Variants in GLRB observed in about 807,000 individuals in gnomAD.
GLRB encodes glycine receptor beta, also known as glycine receptor subunit beta.
Under a neutral mutation model 54.2 loss-of-function variants are expected in GLRB, and 33 were observed. The observed-to-expected ratio is 0.61, with a 90% CI of 0.46 to 0.81. The LOEUF (loss-of-function observed/expected upper bound fraction) is 0.81. Among genes scored for constraint, GLRB ranks in the 40% least tolerant of loss-of-function variants. The pLI, the probability that GLRB is intolerant of heterozygous loss-of-function variation, is 0.00. For synonymous variants in GLRB, 209 were observed against 208.2 expected (o/e 1.00, Z -0.03); for missense variants, 572 against 584.6 (o/e 0.98, Z 0.22).
intron 2 of GLRB, among the ~76,000 whole-genome samples, chr4:157,094,946 T>C (rs1734750161): frequency 6.6e-6 from 1 of 152,196 alleles, no homozygotes; most frequent in African/African-American, 2.4e-5. Flanking sequence ...TTATAAAATA[T>C]ATTTATTTTG....
intron 2 of GLRB, among the ~76,000 whole-genome samples, chr4:157,112,529 T>A (rs73856830): frequency 0.017 from 2,629 of 152,090 alleles, 64 homozygotes; most frequent in African/African-American, 0.06. Flanking sequence ...GGTTGAATTC[T>A]CTTAGAGACA....
At chr4:157,091,895 T>A (rs1734631674) in intron 2 of GLRB, among the ~76,000 whole-genome samples, 1 of 152,176 alleles carries the variant, frequency 6.6e-6, no homozygotes, top group African/African-American at 2.4e-5. Context: ...GTTACATCCC[T>A]CCTTATCCTT....
intron 8 of GLRB, among the ~76,000 whole-genome samples, chr4:157,151,911 G>C (rs902893284): frequency 2.6e-5 from 4 of 152,084 alleles, no homozygotes; most frequent in Non-Finnish European, 4.4e-5. Context: ...TTCCTTTTCT[G>C]ACTCAGCATG....
intron 2 of GLRB, among the ~76,000 whole-genome samples, chr4:157,118,610 C>T (rs1579213044): frequency 6.6e-6 from 1 of 151,620 alleles, no homozygotes; most frequent in East Asian, 2.0e-4. Context: ...AAATGCTTTG[C>T]ACTCTGACTG....
At chr4:157,143,675 CT>C (rs965337199) in intron 7 of GLRB, 131 bp from the exon 8 acceptor site, 58 of 884,578 alleles carry the variant, frequency 6.6e-5, no homozygotes, top group South Asian at 1.2e-4. Flanking sequence ...CAAAGAAAAA[CT>C]TTTTTTTGAG....
At chr4:157,160,590 T>C (rs553979872) in intron 9 of GLRB, among the ~76,000 whole-genome samples, 13 of 151,964 alleles carry the variant, frequency 8.6e-5, no homozygotes, top group Non-Finnish European at 1.5e-4. Context: ...TCGTTATGTA[T>C]CCAGTAGTCA....
At chr4:157,146,277 A>G (rs909192205) in intron 8 of GLRB, among the ~76,000 whole-genome samples, 4 of 151,978 alleles carry the variant, frequency 2.6e-5, no homozygotes, top group African/African-American at 9.7e-5. Context: ...GACCTCCCAA[A>G]GTGCTGGGAT....
rs186337969 is a variant in GLRB at position 157,147,347 on chromosome 4, T to C, written c.904+3388T>C. On this transcript the variant is annotated intron_variant, in intron 8 of 9. Coordinates refer to ENST00000264428, the MANE Select transcript of GLRB (RefSeq NM_000824.5). ...ACCAACTGTTCATGGATCAATGACT[T>C]TTAGAGCTAAAGATTACCATTAGAC... 2.8e-4 allele frequency among the ~76,000 whole-genome samples: 42 copies of C among 152,258 alleles called. No homozygotes were observed. The East Asian group carries it at 7.5e-3, about 27-fold the overall frequency.
chr4:157,135,363 A>G (rs1018242931), intron 4 of GLRB, among the ~76,000 whole-genome samples: 1 of 152,124 alleles, frequency 6.6e-6, no homozygotes, highest in Non-Finnish European at 1.5e-5. Context: ...TGGTTTGGCC[A>G]TGTCCCCACC....
chr4:157,138,778 T>C (rs1736502214), intron 6 of GLRB, 31 bp from the exon 7 acceptor site: 1 of 1,127,834 alleles, frequency 8.9e-7, no homozygotes, highest in Non-Finnish European at 1.3e-6. Context: ...AATTATATTT[T>C]AAACTAACAT....
At chr4:157,097,071 G>A (rs1734839904) in intron 2 of GLRB, among the ~76,000 whole-genome samples, 2 of 152,092 alleles carry the variant, frequency 1.3e-5, no homozygotes, top group African/African-American at 4.8e-5. Context: ...AATTTCTAGA[G>A]CATTAAAATT....
At chr4:157,157,150 T>G (rs945410728) in intron 9 of GLRB, among the ~76,000 whole-genome samples, 1 of 152,128 alleles carries the variant, frequency 6.6e-6, no homozygotes, top group Non-Finnish European at 1.5e-5. Context: ...CAGGGCCCCC[T>G]GTGACATCAC....
At chr4:157,122,121 C>G (rs979878333) in intron 3 of GLRB, among the ~76,000 whole-genome samples, 35 of 147,424 alleles carry the variant, frequency 2.4e-4, no homozygotes, top group Admixed American at 2.1e-3. Flanking sequence ...AAAATATAAT[C>G]GAACTCATTG....
intron 4 of GLRB, among the ~76,000 whole-genome samples, chr4:157,124,572 A>C (rs1735950906): frequency 1.3e-5 from 2 of 151,856 alleles, no homozygotes; most frequent in South Asian, 4.1e-4. Flanking sequence ...TGAACAAATA[A>C]AATTGCTATT....
intron 2 of GLRB, among the ~76,000 whole-genome samples, chr4:157,089,676 A>C (rs570193837): frequency 1.3e-5 from 2 of 152,120 alleles, no homozygotes; most frequent in South Asian, 2.1e-4. Flanking sequence ...ATTCATCCTT[A>C]GTTCTTTTAG....
At chr4:157,143,489 T>C (rs913622298) in intron 7 of GLRB, among the ~76,000 whole-genome samples, 1 of 152,040 alleles carries the variant, frequency 6.6e-6, no homozygotes, top group Non-Finnish European at 1.5e-5. Context: ...GACCCACGGG[T>C]AAAGAAAAGT....
At chr4:157,148,575 A>G (rs1033159583) in intron 8 of GLRB, among the ~76,000 whole-genome samples, 1 of 152,180 alleles carries the variant, frequency 6.6e-6, no homozygotes, top group East Asian at 1.9e-4. Flanking sequence ...TTCATCTTTC[A>G]GTTGAAATAT....
At chr4:157,080,714 C>T (rs181424254) in intron 2 of GLRB, among the ~76,000 whole-genome samples, 154 of 152,048 alleles carry the variant, frequency 1.0e-3, no homozygotes, top group African/African-American at 3.6e-3. Flanking sequence ...TTACAAAACC[C>T]AGAAATCAAG....
At chr4:157,140,296 T>TA (rs1412318872) in intron 7 of GLRB, among the ~76,000 whole-genome samples, 1 of 152,006 alleles carries the variant, frequency 6.6e-6, no homozygotes, top group Non-Finnish European at 1.5e-5. Context: ...GCCACTCCTT[T>TA]ATTTAACACA....
Sources: gnomAD v4.1 joint callset for allele counts (sites outside exome capture counted in the v4.1 genomes callset) on GRCh38, gnomAD v4.1.1 for gene constraint, MANE v1.5 for transcripts, NCBI Gene and HGNC (gene_info 2026-07-23, HGNC 2026-07-21) for gene names.